ALK: variants seen among roughly 807,000 people sequenced by gnomAD.
ALK encodes the protein ALK tyrosine kinase receptor.
A neutral mutation model predicts 163.1 loss-of-function variants in ALK; 74 were observed. The ratio of observed to expected loss-of-function variants is 0.45; its 90% CI spans 0.38 to 0.55. The LOEUF is 0.55. Ranked by LOEUF, ALK falls within the 20% of genes least tolerant of loss-of-function variation. The pLI, the probability that ALK is intolerant of heterozygous loss-of-function variation, is 0.00. For synonymous variants in ALK, 960 were observed against 843.2 expected (o/e 1.14, Z -2.40); for missense variants, 2,063 against 2,105.3 (o/e 0.98, Z 0.39).
chr2:29,208,501 T>C (rs1045048427), intron 25 of ALK, among the ~76,000 whole-genome samples: 1 of 152,102 alleles, frequency 6.6e-6, no homozygotes, highest in Non-Finnish European at 1.5e-5. Flanking sequence ...ACGCTGAGCT[T>C]GTGGGTAGTG....
At chr2:29,841,292 C>A (rs900538535) in intron 1 of ALK, among the ~76,000 whole-genome samples, 1 of 152,174 alleles carries the variant, frequency 6.6e-6, no homozygotes, top group Non-Finnish European at 1.5e-5. Flanking sequence ...ATCCAACATG[C>A]AAGTGTTTTA....
At chr2:29,486,105 T>C (rs1671770810) in intron 4 of ALK, among the ~76,000 whole-genome samples, 1 of 152,216 alleles carries the variant, frequency 6.6e-6, no homozygotes, top group Non-Finnish European at 1.5e-5. Flanking sequence ...ACGGTGTCTA[T>C]TGTTCAGGAC....
rs778867692 is a variant in ALK at position 29,320,705 on chromosome 2, G to C, written c.1546+46C>G. ...CCCTGAGTCTCCCATCTGTCTATGT[G>C]GGCATGAAGATGGGCACCAGAGAGA... On this transcript the variant is annotated intron_variant, in intron 7 of 28. Transcript: ENST00000389048. 40 of 1,611,286 alleles carry C rather than the reference G, an allele frequency of 2.5e-5. No homozygotes were observed. In the East Asian group the frequency reaches 8.5e-4, roughly 34 times the overall value.
intron 1 of ALK, among the ~76,000 whole-genome samples, chr2:29,826,486 GTCTC>G (rs1284743298): frequency 4.6e-5 from 7 of 150,728 alleles, no homozygotes; most frequent in Admixed American, 4.6e-4. Context: ...GTCTTTACCA[GTCTC>G]TCTCTCTCTG....
chr2:29,336,721 G>A (rs998819840), intron 5 of ALK, among the ~76,000 whole-genome samples: 4 of 152,148 alleles, frequency 2.6e-5, no homozygotes, highest in African/African-American at 7.2e-5. Flanking sequence ...CTCTCCTAAC[G>A]CAAATTTCTT....
rs139155234 is a variant in ALK at position 29,910,129 on chromosome 2, G to A, written c.667+9864C>T. Among the ~76,000 whole-genome samples, 337 of 152,154 alleles carry A rather than the reference G, an allele frequency of 2.2e-3. 2 individuals carry two copies. The highest frequency in any genetic ancestry group is 3.4e-3 in the Non-Finnish European group (229 of 67,996). ...AGGAACTTTAAAATAGCTGTTATAC[G>A]TGTTCAAGGACTTAGAGAAAGACAT... On this transcript the variant is annotated intron_variant, in intron 1 of 28. Coordinates refer to ENST00000389048, the MANE Select transcript of ALK (RefSeq NM_004304.5).
chr2:29,462,167 G>A (rs78093095), intron 4 of ALK, among the ~76,000 whole-genome samples: 4,828 of 152,268 alleles, frequency 0.032, 117 homozygotes, highest in Admixed American at 0.048. Context: ...AACAAAGAAA[G>A]TAGTATCTTG....
chr2:29,864,937 G>A (rs1342123034), intron 1 of ALK, among the ~76,000 whole-genome samples: 2 of 152,206 alleles, frequency 1.3e-5, no homozygotes, highest in Non-Finnish European at 2.9e-5. Flanking sequence ...CCCCTGAAGG[G>A]CACTGGAGAT....
intron 11 of ALK, among the ~76,000 whole-genome samples, chr2:29,273,534 G>A (rs1311638424): frequency 6.6e-6 from 1 of 152,238 alleles, no homozygotes; most frequent in Non-Finnish European, 1.5e-5. Context: ...TGGGAGTTAT[G>A]TGGCAATAAA....
chr2:29,867,932 C>G (rs572455184), intron 1 of ALK, among the ~76,000 whole-genome samples: 3 of 152,164 alleles, frequency 2.0e-5, no homozygotes, highest in African/African-American at 7.2e-5. Flanking sequence ...GCTGCTCAGA[C>G]AGCAGTGACC....
At position 29,845,314 on chromosome 2, in the gene ALK, C is replaced by T. The variant is rs1286380658; in HGVS notation, c.667+74679G>A. ...AAGGGTGTTCCCTGGCACTTTAATTCTGGGGGATGTTAATAGGGACTCTGT... is the reference window on the plus strand; with the variant it reads ...AAGGGTGTTCCCTGGCACTTTAATTTTGGGGGATGTTAATAGGGACTCTGT... On this transcript the variant is annotated intron_variant, in intron 1 of 28. Transcript: ENST00000389048. 3.3e-5 allele frequency among the ~76,000 whole-genome samples: 5 copies of T among 152,176 alleles called. No individual in the cohort carries two copies. The East Asian group carries it at 5.8e-4, about 18-fold the overall frequency.
At chr2:29,838,390 T>G (rs1249382616) in intron 1 of ALK, among the ~76,000 whole-genome samples, 1 of 152,038 alleles carries the variant, frequency 6.6e-6, no homozygotes, top group Admixed American at 6.6e-5. Flanking sequence ...CCACACATGA[T>G]AAATACAATG....
intron 1 of ALK, among the ~76,000 whole-genome samples, chr2:29,900,424 G>A (rs1360685959): frequency 6.6e-6 from 1 of 152,220 alleles, no homozygotes; most frequent in African/African-American, 2.4e-5. Flanking sequence ...GGCTTCTTAA[G>A]CAGGGTCGCT....
chr2:29,216,568 C>T (rs1363614212), intron 23 of ALK, among the ~76,000 whole-genome samples: 2 of 151,430 alleles, frequency 1.3e-5, no homozygotes, highest in East Asian at 3.9e-4. Context: ...GTGCACAGGG[C>T]AGACAGTCAG....
intron 2 of ALK, among the ~76,000 whole-genome samples, chr2:29,698,945 T>G (rs939953525): frequency 1.3e-5 from 2 of 152,228 alleles, no homozygotes; most frequent in Non-Finnish European, 2.9e-5. Flanking sequence ...ACACAGGTTT[T>G]TCTCACTCAA....
intron 27 of ALK, among the ~76,000 whole-genome samples, chr2:29,197,065 T>C (rs1053055170): frequency 1.3e-5 from 2 of 152,220 alleles, no homozygotes; most frequent in Non-Finnish European, 2.9e-5. Context: ...CTGATGTTTA[T>C]GTTAACCACG....
chr2:29,759,484 G>C lies in ALK; in HGVS notation c.668-41787C>G, dbSNP rs145776735. Among the ~76,000 whole-genome samples, 4 of 152,310 alleles carry C rather than the reference G, an allele frequency of 2.6e-5. No individual in the cohort carries two copies. The East Asian group carries it at 7.7e-4, about 29-fold the overall frequency. On this transcript the variant is annotated intron_variant, in intron 1 of 28. Coordinates refer to ENST00000389048, the MANE Select transcript of ALK (RefSeq NM_004304.5). The stretch of plus-strand genomic sequence containing the variant: ...AAGTAAGTGGAGAGTGGAGAAAGAG[G>C]AATGTCACTTTGATTTAGCCTTCTA...
intron 1 of ALK, among the ~76,000 whole-genome samples, chr2:29,797,934 G>T (rs191974352): frequency 6.6e-6 from 1 of 152,230 alleles, no homozygotes; most frequent in Admixed American, 6.5e-5. Flanking sequence ...AGATGAAAAG[G>T]AGTAAGTAGA....
At chr2:29,650,755 C>T (rs1242324969) in intron 3 of ALK, among the ~76,000 whole-genome samples, 2 of 152,092 alleles carry the variant, frequency 1.3e-5, no homozygotes, top group Non-Finnish European at 2.9e-5. Context: ...CCCTCAGGCT[C>T]TTTGGGTGAT....
Sources: gnomAD v4.1 joint callset for allele counts (sites outside exome capture counted in the v4.1 genomes callset) on GRCh38, gnomAD v4.1.1 for gene constraint, MANE v1.5 for transcripts, NCBI Gene and HGNC (gene_info 2026-07-23, HGNC 2026-07-21) for gene names.